CADM2: variants seen among roughly 807,000 people sequenced by gnomAD.
The protein encoded by CADM2 is immunoglobulin superfamily member 4D.
Under a neutral mutation model 49.8 loss-of-function variants are expected in CADM2, and 12 were observed. The observed-to-expected ratio is 0.24, with a 90% CI of 0.15 to 0.39. The LOEUF (loss-of-function observed/expected upper bound fraction) is 0.39. Among genes scored for constraint, CADM2 ranks in the 10% least tolerant of loss-of-function variants. The probability of loss-of-function intolerance (pLI) is 1.00; values close to 1 mark genes in which losing one functional copy is unlikely to be tolerated. For synonymous variants in CADM2, 214 were observed against 175.4 expected, an observed-to-expected ratio of 1.22 and a Z score of -1.74; for missense variants, 378 against 492.3, an observed-to-expected ratio of 0.77 and a Z score of 2.20.
intron 3 of CADM2, among the ~76,000 whole-genome samples, chr3:85,863,960 G>A (rs1393491165): frequency 6.6e-6 from 1 of 152,116 alleles, no homozygotes; most frequent in Non-Finnish European, 1.5e-5. Flanking sequence ...CAAGTAGCAT[G>A]TGTGGAATAT....
intron 8 of CADM2, among the ~76,000 whole-genome samples, chr3:86,003,838 G>C (rs569775029): frequency 4.6e-5 from 7 of 152,302 alleles, no homozygotes; most frequent in Admixed American, 4.6e-4. Flanking sequence ...ACTTCAGAAG[G>C]GGGTGGCCCA....
At chr3:85,722,276 T>A (rs1168341078) in intron 1 of CADM2, among the ~76,000 whole-genome samples, 2 of 152,112 alleles carry the variant, frequency 1.3e-5, no homozygotes, top group Non-Finnish European at 2.9e-5. Context: ...GTAGCTCCTC[T>A]CTGCAGCTGT....
At chr3:85,615,983 G>T (rs1474089289) in intron 1 of CADM2, among the ~76,000 whole-genome samples, 1 of 151,922 alleles carries the variant, frequency 6.6e-6, no homozygotes, top group African/African-American at 2.4e-5. Context: ...AGTATAATGT[G>T]TTGAATGAGA....
chr3:85,121,757 C>T (rs1176597026), intron 1 of CADM2, among the ~76,000 whole-genome samples: 1 of 152,100 alleles, frequency 6.6e-6, no homozygotes, highest in African/African-American at 2.4e-5. Flanking sequence ...CTCACACTTC[C>T]CTAACTACAG....
At chr3:85,773,467 C>A (rs549307848) in intron 2 of CADM2, among the ~76,000 whole-genome samples, 1 of 152,100 alleles carries the variant, frequency 6.6e-6, no homozygotes, top group Non-Finnish European at 1.5e-5. Context: ...TCTATATCCC[C>A]AAATCTGTAT....
chr3:85,884,570 A>G (rs763562383), intron 4 of CADM2, among the ~76,000 whole-genome samples: 5 of 152,170 alleles, frequency 3.3e-5, no homozygotes, highest in African/African-American at 4.8e-5. Flanking sequence ...ACTTTATTAA[A>G]TGGTGATGAG....
intron 1 of CADM2, among the ~76,000 whole-genome samples, chr3:85,373,441 G>C (rs757801855): frequency 6.6e-6 from 1 of 152,090 alleles, no homozygotes; most frequent in African/African-American, 2.4e-5. Flanking sequence ...TCCCCTCCTG[G>C]CTGCTTTCAC....
At position 85,858,311 on chromosome 3, in the gene CADM2, C is replaced by T. The variant is rs79665473; in HGVS notation, c.239-24980C>T. Among the ~76,000 whole-genome samples, 291 of 152,214 alleles carry T rather than the reference C, an allele frequency of 1.9e-3. 6 individuals are homozygous for T. The East Asian group carries it at 0.041, about 21-fold the overall frequency. ...TTGAGGAATTATAACTTTGTTTATC[C>T]GATTATATTACATTTAACACAATTT... On this transcript the variant is annotated intron_variant, in intron 3 of 9. Coordinates refer to ENST00000383699, the MANE Select transcript of CADM2 (RefSeq NM_001167675.2).
intron 1 of CADM2, among the ~76,000 whole-genome samples, chr3:85,614,732 A>G (rs2063757465): frequency 6.6e-6 from 1 of 151,828 alleles, no homozygotes; most frequent in Admixed American, 6.6e-5. Context: ...CACACATGCA[A>G]ACCTCTCATG....
intron 1 of CADM2, among the ~76,000 whole-genome samples, chr3:85,519,589 A>G (rs1431174473): frequency 1.3e-5 from 2 of 152,086 alleles, no homozygotes; most frequent in Non-Finnish European, 2.9e-5. Flanking sequence ...GTAATGAAGC[A>G]TTTTTGTCAT....
chr3:85,227,079 G>A (rs989704059), intron 1 of CADM2, among the ~76,000 whole-genome samples: 1 of 152,144 alleles, frequency 6.6e-6, no homozygotes. Flanking sequence ...GCAATGTGGT[G>A]CTAAGAAGAA....
Position 85,732,045 on chromosome 3 carries a change from C to G in CADM2, c.88+5497C>G, listed in dbSNP as rs541854901. Among the ~76,000 whole-genome samples the G allele has an allele frequency of 2.9e-3, 387 of 131,480 alleles. 1 individual carries two copies. Among genetic ancestry groups the G allele is most frequent in the African/African-American group, 0.011 (377 of 33,942 alleles). 86.3% of individuals were successfully genotyped at this position (131,480 alleles called of 152,430 possible). Reference sequence around the variant, plus strand: ...AGTGGATCACTTGAGGTCATGAGATCAAGACCAGGCTGGCCAACATGGTGA... The same window carrying G: ...AGTGGATCACTTGAGGTCATGAGATGAAGACCAGGCTGGCCAACATGGTGA... On this transcript the variant is annotated intron_variant, in intron 2 of 9. Transcript: ENST00000383699.
At chr3:85,369,579 G>A (rs2033046594) in intron 1 of CADM2, among the ~76,000 whole-genome samples, 1 of 152,192 alleles carries the variant, frequency 6.6e-6, no homozygotes, top group Non-Finnish European at 1.5e-5. Context: ...AGACCAGCCT[G>A]ACCAACATGG....
At chr3:85,066,369 G>A (rs2107460018) in intron 1 of CADM2, among the ~76,000 whole-genome samples, 1 of 143,720 alleles carries the variant, frequency 7.0e-6, no homozygotes, top group Non-Finnish European at 1.5e-5. Context: ...GTAAAATGCT[G>A]GAATCAGCAT....
chr3:85,573,673 A>T (rs142674527), intron 1 of CADM2, among the ~76,000 whole-genome samples: 4 of 152,322 alleles, frequency 2.6e-5, no homozygotes, highest in African/African-American at 7.2e-5. Context: ...TTGTCCATAA[A>T]GTGAAGTGTT....
chr3:85,037,006 A>G (rs868839019), intron 1 of CADM2, among the ~76,000 whole-genome samples: 1 of 149,078 alleles, frequency 6.7e-6, no homozygotes, highest in Non-Finnish European at 1.5e-5. Context: ...AGAAAAAAAA[A>G]AAAAAAAAAA....
intron 1 of CADM2, among the ~76,000 whole-genome samples, chr3:85,087,884 C>A (rs1394242867): frequency 6.6e-6 from 1 of 152,122 alleles, no homozygotes; most frequent in Non-Finnish European, 1.5e-5. Flanking sequence ...AGTTCCCTTA[C>A]CAGTTTTGAC....
chr3:85,942,564 T>G (rs1476171841), intron 7 of CADM2, among the ~76,000 whole-genome samples: 1 of 145,588 alleles, frequency 6.9e-6, no homozygotes, highest in Non-Finnish European at 1.5e-5. Context: ...AATTCCCACC[T>G]ATGAGTGAGA....
At chr3:85,698,494 A>G (rs2066641661) in intron 1 of CADM2, among the ~76,000 whole-genome samples, 1 of 152,160 alleles carries the variant, frequency 6.6e-6, no homozygotes. Context: ...TAGGAAGCAT[A>G]GTGGCTTCTG....
Sources: gnomAD v4.1 joint callset for allele counts (sites outside exome capture counted in the v4.1 genomes callset) on GRCh38, gnomAD v4.1.1 for gene constraint, MANE v1.5 for transcripts, NCBI Gene and HGNC (gene_info 2026-07-23, HGNC 2026-07-21) for gene names.